The following RESF1 variants were observed in gnomAD, a reference collection of about 807,000 sequenced individuals.
The protein encoded by RESF1 is gonad expressed transcript.
In RESF1, 65 loss-of-function variants were observed where a neutral mutation model predicts 134.7. The ratio of observed to expected loss-of-function variants is 0.48; its 90% confidence interval spans 0.40 to 0.59. The LOEUF is 0.59. RESF1 is among the 20% of genes least tolerant of loss of function. The pLI is 0.00. For missense variants in RESF1, 2,274 were observed against 2,002.7 expected (o/e 1.14, Z -2.59); for synonymous variants, 762 against 702.2 (o/e 1.09, Z -1.35).
intron 3 of RESF1, among the ~76,000 whole-genome samples, chr12:31,974,770 A>G (rs971182557): frequency 1.3e-5 from 2 of 152,076 alleles, no homozygotes; most frequent in Non-Finnish European, 2.9e-5. Flanking sequence ...GCAGTTATGA[A>G]GCATCATTAA....
chr12:31,984,642 T>TCAATTTAAGAGCCTTGTA lies in RESF1; in HGVS notation c.3688_3705dup (p.Gln1230_Val1235dup). ...CTTCTGATAGAGATGTCACTGTTGT[T>TCAATTTAAGAGCCTTGTA]CAATTTAAGAGCCTTGTAAATAATC... On this transcript the variant is annotated inframe_insertion, in exon 4 of 6. Coordinates refer to ENST00000312561, the MANE Select transcript of RESF1 (RefSeq NM_018169.4). 1.9e-6 allele frequency: 3 copies of TCAATTTAAGAGCCTTGTA among 1,575,982 alleles called. No individual in the cohort carries two copies. Among genetic ancestry groups the TCAATTTAAGAGCCTTGTA allele is most frequent in the Non-Finnish European group, 2.6e-6 (3 of 1,167,410 alleles).
chr12:31,985,517 TC>T lies in RESF1; in HGVS notation c.4564del (p.His1522ThrfsTer12). On this transcript the variant is annotated frameshift_variant, in exon 4 of 6. Transcript: ENST00000312561. LOFTEE classifies it high-confidence loss of function. ...ACAAGCCATGGTAAAAACCTCAAAA[TC>T]CACCATTCTCAGGAGTCTAAAACAT... is the stretch of plus-strand genomic sequence containing the variant. Reference protein sequence around the residue: ...GLTSHGKNLKIHHSQESKTYN... With the variant: ...GLTSHGKNLKXHHSQESKTYN... 2 of 1,601,908 alleles carry T rather than the reference TC, an allele frequency of 1.2e-6. No homozygotes were observed. Among genetic ancestry groups the T allele is most frequent in the Non-Finnish European group, 1.7e-6 (2 of 1,176,618 alleles).
Position 31,984,904 on chromosome 12 carries a change from G to C in RESF1, c.3949G>C (p.Ala1317Pro). ...SNKMTASYEQASQETRQKKHV... is the reference protein window; with the variant it reads ...SNKMTASYEQPSQETRQKKHV... ...TAAAATGACAGCATCTTATGAACAA[G>C]CTTCTCAGGAAACCCGACAGAAGAA... Residue 1317 changes from alanine (A) to proline (P), a missense_variant, in exon 4 of 6, where the codon GCT becomes CCT. Transcript: ENST00000312561. The C allele has an allele frequency of 6.2e-7, 1 of 1,611,264 alleles. No homozygotes were observed. The highest frequency in any genetic ancestry group is 8.5e-7 in the Non-Finnish European group (1 of 1,179,396).
In RESF1 at chr12:31,982,792, A is replaced by C. The variant is rs112465364; in HGVS notation, c.1837A>C (p.Ser613Arg). Residue 613 changes from serine to arginine, a missense_variant, in exon 4 of 6, where the codon AGT (serine) becomes CGT (arginine). Physicochemically the swap from Ser to Arg is moderately radical, Grantham distance 110. Transcript: ENST00000312561. ...AACTATTCAGGATTCTAAACCAGAC[A>C]GTTGTGAAATGAATCCAAATACCCA... ...NQTIQDSKPDSCEMNPNTQMT... is the reference protein window; with the variant it reads ...NQTIQDSKPDRCEMNPNTQMT... 8 of 1,614,186 alleles carry C rather than the reference A, an allele frequency of 5.0e-6. No homozygotes were observed. In the Admixed American group the frequency reaches 1.3e-4, roughly 27 times the overall value.
chr12:31,985,274 TTAG>T lies in RESF1; in HGVS notation c.4323_4325del (p.Ser1441del). 1.9e-6 allele frequency: 3 copies of T among 1,612,016 alleles called. No homozygotes were observed. The highest frequency in any genetic ancestry group is 2.2e-5 in the South Asian group (2 of 90,384). ...GACACGAAAGCGAGTTCATCTAAATTTAGTAGAATTCTAACTCCTAAGGAGTAT... is the reference window on the plus strand; with the variant it reads ...GACACGAAAGCGAGTTCATCTAAATTTAGAATTCTAACTCCTAAGGAGTAT... On this transcript the variant is annotated inframe_deletion, in exon 4 of 6. Coordinates refer to ENST00000312561, the MANE Select transcript of RESF1 (RefSeq NM_018169.4).
At chr12:31,978,155 T>C (rs1024273536) in intron 3 of RESF1, among the ~76,000 whole-genome samples, 34 of 152,158 alleles carry the variant, frequency 2.2e-4, no homozygotes, top group Non-Finnish European at 4.4e-4. Context: ...TATTTGAACA[T>C]GGCATATCTT....
At position 31,984,537 on chromosome 12, in the gene RESF1, G is replaced by C. The variant is rs547821932; in HGVS notation, c.3582G>C (p.Lys1194Asn). Residue 1194 changes from lysine to asparagine, a missense_variant, in exon 4 of 6, where the codon AAG becomes AAC. Physicochemically the swap from Lys to Asn is moderately conservative, Grantham distance 94. Coordinates refer to ENST00000312561, the MANE Select transcript of RESF1 (RefSeq NM_018169.4). ...GVPQCQCNSI[K>N]NSSSEEEKQK... ...CCCAGTGTCAGTGTAATTCCATCAA[G>C]AACTCATCTTCAGAGGAAGAGAAAC... 6.3e-7 allele frequency: 1 copy of C among 1,594,080 alleles called. No homozygotes were observed. Among genetic ancestry groups the C allele is most frequent in the African/African-American group, 1.4e-5 (1 of 74,072 alleles).
chr12:31,981,555 G>A lies in RESF1; in HGVS notation c.600G>A (p.Gln200=), dbSNP rs372870031. 6.2e-7 allele frequency: 1 copy of A among 1,614,136 alleles called. No individual in the cohort carries two copies. The highest frequency in any genetic ancestry group is 1.1e-5 in the South Asian group (1 of 91,082). Residue 200 remains glutamine (Q), a synonymous_variant, in exon 4 of 6, where the codon CAG becomes CAA. Coordinates refer to ENST00000312561, the MANE Select transcript of RESF1 (RefSeq NM_018169.4). The part of the protein sequence containing the change: ...FSEQQVDWTQ[Q]CISKGLTYPD... ...AGCAACAGGTTGATTGGACACAACAGTGTATATCTAAGGGACTGACTTACC... is the reference window on the plus strand; with the variant it reads ...AGCAACAGGTTGATTGGACACAACAATGTATATCTAAGGGACTGACTTACC...
chr12:31,966,491 G>A (rs977191301), intron 2 of RESF1, among the ~76,000 whole-genome samples: 2 of 152,208 alleles, frequency 1.3e-5, no homozygotes, highest in Non-Finnish European at 2.9e-5. Flanking sequence ...CAGTATTCTA[G>A]CCTGAATGAT....
chr12:31,987,051 AT>A (rs1939989385), intron 4 of RESF1, 187 bp from the exon 5 acceptor site: 3 of 471,824 alleles, frequency 6.4e-6, no homozygotes, highest in Non-Finnish European at 1.1e-5. Flanking sequence ...AGATAAACTC[AT>A]TTTTTAATTG....
In RESF1 at chr12:31,983,741, C is replaced by G; in HGVS notation, c.2786C>G (p.Pro929Arg). The G allele has an allele frequency of 6.2e-7, 1 of 1,613,752 alleles. No homozygotes were observed. The highest frequency in any genetic ancestry group is 2.2e-5 in the East Asian group (1 of 44,882). The change falls in exon 4 of 6, where the codon CCC becomes CGC. Residue 929 changes from proline (P) to arginine (R), a missense_variant. Transcript: ENST00000312561. Reference protein sequence around the residue: ...KMVEPQKPSLPNQQGIGSREP... With the variant: ...KMVEPQKPSLRNQQGIGSREP... The stretch of plus-strand genomic sequence containing the variant: ...GTTGAGCCACAGAAACCTTCTCTAC[C>G]CAATCAGCAAGGGATTGGCAGCAGA...
At chr12:31,991,369 G>C (rs1007160522) in intron 5 of RESF1, among the ~76,000 whole-genome samples, 7 of 152,156 alleles carry the variant, frequency 4.6e-5, no homozygotes, top group Non-Finnish European at 7.4e-5. Flanking sequence ...CTGAAAGAAA[G>C]CAAACGAAAA....
In RESF1 at chr12:31,984,130, C is replaced by T; in HGVS notation, c.3175C>T (p.Leu1059=). Residue 1059 remains leucine, a synonymous_variant, in exon 4 of 6, where the codon CTA becomes TTA. Transcript: ENST00000312561. The part of the protein sequence containing the change: ...LYLHDQLSEL[L]KEFPYGIEAV... ...CCTACATGACCAGCTGTCAGAACTT[C>T]TAAAAGAGTTTCCTTATGGCATTGA... 6.2e-7 allele frequency: 1 copy of T among 1,612,700 alleles called. No individual in the cohort carries two copies. Among genetic ancestry groups the T allele is most frequent in the Non-Finnish European group, 8.5e-7 (1 of 1,179,616 alleles).
At chr12:31,976,719 A>G (rs1369999344) in intron 3 of RESF1, among the ~76,000 whole-genome samples, 1 of 152,128 alleles carries the variant, frequency 6.6e-6, no homozygotes, top group Non-Finnish European at 1.5e-5. Flanking sequence ...TATATTTACT[A>G]TTCATTAAGT....
Position 31,985,923 on chromosome 12 carries a change from G to A in RESF1, c.4968G>A (p.Lys1656=), listed in dbSNP as rs1305683673. 1.3e-6 allele frequency: 2 copies of A among 1,504,184 alleles called. No homozygotes were observed. The highest frequency in any genetic ancestry group is 1.8e-6 in the Non-Finnish European group (2 of 1,133,462). 93.2% of individuals were successfully genotyped at this position (1,504,184 alleles called of 1,614,324 possible). The change falls in exon 4 of 6, where the codon AAG becomes AAA. Residue 1656 remains lysine (K), a synonymous_variant. Coordinates refer to ENST00000312561, the MANE Select transcript of RESF1 (RefSeq NM_018169.4). ...TNSVEERKDV[K]PHPRKEQAPL... ...CTGTGGAAGAACGGAAGGATGTAAA[G>A]CCTCATCCTAGGAAGGAGCAAGCCC...
rs555331548 is a variant in RESF1, at chr12:31,982,301, C to G, written c.1346C>G (p.Ala449Gly). 671 of 1,614,038 alleles carry G rather than the reference C, an allele frequency of 4.2e-4. 12 individuals carry two copies. In the South Asian group the frequency reaches 7.0e-3, roughly 17 times the overall value. Residue 449 changes from alanine (A) to glycine (G), a missense_variant, in exon 4 of 6, where the codon GCC becomes GGC. Physicochemically the swap from Ala to Gly is moderately conservative, Grantham distance 60. Transcript: ENST00000312561. Reference sequence around the variant, plus strand: ...TCTAAATTGTCTCTAAAACAAACTGCCAAAATCCAGTCTGGACCCCAGATA... The same window carrying G: ...TCTAAATTGTCTCTAAAACAAACTGGCAAAATCCAGTCTGGACCCCAGATA... ...QNSKLSLKQTAKIQSGPQITP... is the reference protein window; with the variant it reads ...QNSKLSLKQTGKIQSGPQITP...
chr12:31,971,724 C>G (rs1003142826), intron 3 of RESF1, among the ~76,000 whole-genome samples: 1 of 152,096 alleles, frequency 6.6e-6, no homozygotes, highest in Non-Finnish European at 1.5e-5. Context: ...GCTGACATCC[C>G]CTAGTTTCAG....
chr12:31,970,532 C>T (rs1252808333), intron 3 of RESF1, among the ~76,000 whole-genome samples, 176 bp downstream of exon 3: 1 of 152,160 alleles, frequency 6.6e-6, no homozygotes, highest in Non-Finnish European at 1.5e-5. Context: ...TTTTGATGCT[C>T]TTTTAGGTAT....
rs922279758 is a variant in RESF1 at position 31,984,430 on chromosome 12, G to A, written c.3475G>A (p.Asp1159Asn). The A allele has an allele frequency of 1.9e-6, 3 of 1,614,186 alleles. No homozygotes were observed. Among genetic ancestry groups the A allele is most frequent in the Non-Finnish European group, 2.5e-6 (3 of 1,180,024 alleles). ...LQAPAAGQSR[D>N]SVILDSEKDD... ...GGCACCTGCAGCTGGACAAAGTCGT[G>A]ATTCTGTGATACTGGACTCTGAGAA... Residue 1159 changes from aspartate to asparagine, a missense_variant, in exon 4 of 6, where the codon GAT becomes AAT. Coordinates refer to ENST00000312561, the MANE Select transcript of RESF1 (RefSeq NM_018169.4).
Sources: gnomAD v4.1 joint callset for allele counts (sites outside exome capture counted in the v4.1 genomes callset) on GRCh38, gnomAD v4.1.1 for gene constraint, MANE v1.5 for transcripts, NCBI Gene and HGNC (gene_info 2026-07-23, HGNC 2026-07-21) for gene names.